The following RIPOR2 variants were observed in gnomAD, a reference collection of about 807,000 sequenced individuals.
RIPOR2 encodes rho family-interacting cell polarization regulator 2.
A neutral mutation model predicts 114.5 loss-of-function variants in RIPOR2; 39 were observed. The observed-to-expected ratio is 0.34, with a 90% CI of 0.26 to 0.44. The LOEUF (loss-of-function observed/expected upper bound fraction) is 0.44, where lower values mean the gene tolerates loss of function less well. RIPOR2 is among the 20% of genes least tolerant of loss of function. RIPOR2 has a pLI of 1.00. For synonymous variants in RIPOR2, 445 were observed against 484.4 expected (o/e 0.92, Z 1.07); for missense variants, 1,007 against 1,255.1 (o/e 0.80, Z 2.99).
chr6:24,905,930 C>A (rs1310500717), intron 1 of RIPOR2, among the ~76,000 whole-genome samples: 2 of 152,252 alleles, frequency 1.3e-5, no homozygotes, highest in South Asian at 4.2e-4. Context: ...ACATCCAAAA[C>A]AATTTGTTTG....
At chr6:25,003,341 T>C (rs1775401235) in intron 1 of RIPOR2, among the ~76,000 whole-genome samples, 1 of 151,658 alleles carries the variant, frequency 6.6e-6, no homozygotes, top group South Asian at 2.1e-4. Context: ...TCTTTCCTCT[T>C]TGAAAGAGGT....
intron 1 of RIPOR2, among the ~76,000 whole-genome samples, chr6:24,981,214 A>G (rs567561901): frequency 5.9e-5 from 9 of 152,322 alleles, no homozygotes; most frequent in African/African-American, 2.2e-4. Flanking sequence ...GTAAGTAGAA[A>G]GCACTTATCA....
At chr6:25,035,840 C>T (rs567066965) in intron 1 of RIPOR2, among the ~76,000 whole-genome samples, 8 of 152,274 alleles carry the variant, frequency 5.3e-5, no homozygotes, top group African/African-American at 1.4e-4. Context: ...CTATCCCGGG[C>T]CCCTCTGTCT....
Position 24,877,175 on chromosome 6 carries a change from A to G in RIPOR2, c.62-1358T>C, listed in dbSNP as rs182386685. ...ACATCCAGATGTAATGGAAAGACCA[A>G]TTTCACTAGACCTTCCTCAAAGCTA... On this transcript the variant is annotated intron_variant, in intron 1 of 21. Transcript: ENST00000643898. 1.9e-4 allele frequency: 183 copies of G among 985,396 alleles called. No individual in the cohort carries two copies. In the African/African-American group the frequency reaches 3.0e-3, roughly 16 times the overall value. The allele number at this position is 985,396 out of a possible 1,614,324, so 61.0% of individuals were successfully genotyped here. A position where few individuals can be genotyped will look rare whatever the true frequency, so the allele number is the denominator to read the frequency against.
chr6:24,856,570 C>T (rs1044970306), intron 8 of RIPOR2, among the ~76,000 whole-genome samples: 1 of 152,130 alleles, frequency 6.6e-6, no homozygotes, highest in African/African-American at 2.4e-5. Context: ...GCCTGGCTAA[C>T]ATGGAGAAAC....
At chr6:24,873,607 C>T in intron 3 of RIPOR2, 37 bp downstream of exon 3, 1 of 1,588,688 alleles carries the variant, frequency 6.3e-7, no homozygotes, top group South Asian at 1.2e-5. Context: ...CCCCTTGGGT[C>T]TTTCCTTAAA....
intron 1 of RIPOR2, among the ~76,000 whole-genome samples, chr6:24,925,417 G>A (rs1302413342): frequency 6.6e-6 from 1 of 152,126 alleles, no homozygotes; most frequent in Non-Finnish European, 1.5e-5. Context: ...GAGAATTTAG[G>A]TTCAGGCTGG....
At chr6:24,895,369 T>C (rs1203651785) in intron 1 of RIPOR2, among the ~76,000 whole-genome samples, 1 of 151,922 alleles carries the variant, frequency 6.6e-6, no homozygotes, top group African/African-American at 2.4e-5. Context: ...TTTTTAAAAA[T>C]GTCATTGCCC....
In RIPOR2 at chr6:24,839,554, T is replaced by C. The variant is rs181694368; in HGVS notation, c.1858-282A>G. 2.3e-4 allele frequency: 330 copies of C among 1,447,964 alleles called. 1 individual carries two copies. The East Asian group carries it at 6.4e-3, about 28-fold the overall frequency. The allele number at this position is 1,447,964 out of a possible 1,614,324, so 89.7% of individuals were successfully genotyped here. On this transcript the variant is annotated intron_variant, in intron 13 of 21. Transcript: ENST00000643898. ...GGCCATGAGTTGATCACTGAGGAGG[T>C]TGAGGGATGGGCACACTGGGATCCA...
intron 19 of RIPOR2, among the ~76,000 whole-genome samples, chr6:24,819,125 T>G (rs1759437738): frequency 6.6e-6 from 1 of 152,040 alleles, no homozygotes; most frequent in South Asian, 2.1e-4. Context: ...AGGGATCAAT[T>G]TATTAAATAA....
At chr6:24,968,454 C>A (rs9467370) in intron 1 of RIPOR2, among the ~76,000 whole-genome samples, 11,902 of 152,216 alleles carry the variant, frequency 0.078, 989 homozygotes, top group African/African-American at 0.21. Context: ...CCAGTTGGAC[C>A]ACCTGTGGAT....
chr6:25,024,482 C>A, intron 1 of RIPOR2: 1 of 848,200 alleles, frequency 1.2e-6, no homozygotes, highest in Non-Finnish European at 2.0e-6. Context: ...CTTTGCTGGA[C>A]ATAGTGTCTG....
At chr6:25,019,970 A>G (rs1203549136) in intron 1 of RIPOR2, among the ~76,000 whole-genome samples, 1 of 151,904 alleles carries the variant, frequency 6.6e-6, no homozygotes, top group South Asian at 2.1e-4. Flanking sequence ...GTGTGATCCC[A>G]GCTATTATAT....
At chr6:24,984,222 G>C (rs1774434994) in intron 1 of RIPOR2, among the ~76,000 whole-genome samples, 1 of 152,232 alleles carries the variant, frequency 6.6e-6, no homozygotes, top group Non-Finnish European at 1.5e-5. Context: ...GGCTTTGTGT[G>C]AGCAACAAGG....
chr6:24,931,702 C>G (rs189401433), intron 1 of RIPOR2, among the ~76,000 whole-genome samples: 86 of 152,334 alleles, frequency 5.6e-4, no homozygotes, highest in African/African-American at 1.9e-3. Context: ...CCAGGAAATA[C>G]AAGAACCTGA....
intron 4 of RIPOR2, among the ~76,000 whole-genome samples, chr6:24,871,385 T>C (rs1329327331): frequency 6.6e-6 from 1 of 152,238 alleles, no homozygotes; most frequent in Non-Finnish European, 1.5e-5. Context: ...AGAGTTTCGC[T>C]CTTTTGCCCA....
chr6:24,878,234 G>A (rs1765993670), intron 1 of RIPOR2, among the ~76,000 whole-genome samples: 1 of 152,172 alleles, frequency 6.6e-6, no homozygotes, highest in East Asian at 1.9e-4. Context: ...TCTCCTCTGT[G>A]CTCTCTGCTG....
chr6:24,907,455 C>T (rs1373074312), intron 1 of RIPOR2, among the ~76,000 whole-genome samples: 2 of 152,146 alleles, frequency 1.3e-5, no homozygotes, highest in Non-Finnish European at 2.9e-5. Context: ...CTGCCGCACT[C>T]AGGAAAACAT....
chr6:24,905,047 T>C (rs1225261899), intron 1 of RIPOR2, among the ~76,000 whole-genome samples: 1 of 152,156 alleles, frequency 6.6e-6, no homozygotes, highest in Non-Finnish European at 1.5e-5. Context: ...AGTGTTGGGA[T>C]TACAGGTGTA....
Sources: gnomAD v4.1 joint callset for allele counts (sites outside exome capture counted in the v4.1 genomes callset) on GRCh38, gnomAD v4.1.1 for gene constraint, MANE v1.5 for transcripts, NCBI Gene and HGNC (gene_info 2026-07-23, HGNC 2026-07-21) for gene names.